Variants in ZNF609 observed in about 807,000 individuals in gnomAD.
The protein encoded by ZNF609 is zinc finger protein 609.
A neutral mutation model predicts 109.5 loss-of-function variants in ZNF609; 11 were observed. That is an observed-to-expected ratio of 0.10 (90% confidence interval 0.06 to 0.17). ZNF609 has a LOEUF of 0.17. Ranked by LOEUF, ZNF609 falls within the 10% of genes least tolerant of loss-of-function variation. The pLI is 1.00. For missense variants in ZNF609, 1,559 were observed against 1,772.4 expected (o/e 0.88, Z 2.16); for synonymous variants, 646 against 662.0 (o/e 0.98, Z 0.37).
At chr15:64,627,978 A>C (rs893825847) in intron 3 of ZNF609, among the ~76,000 whole-genome samples, 6 of 150,732 alleles carry the variant, frequency 4.0e-5, no homozygotes, top group African/African-American at 1.5e-4. Flanking sequence ...CTTAAGTTAT[A>C]AAAATCTATG....
chr15:64,563,866 G>C (rs1011096674), intron 2 of ZNF609, among the ~76,000 whole-genome samples: 1 of 152,086 alleles, frequency 6.6e-6, no homozygotes, highest in South Asian at 2.1e-4. Context: ...GATTACAGGC[G>C]TGAGTCGCCG....
intron 1 of ZNF609, among the ~76,000 whole-genome samples, chr15:64,464,964 G>A (rs1892991054): frequency 6.6e-6 from 1 of 152,200 alleles, no homozygotes; most frequent in African/African-American, 2.4e-5. Context: ...TTGTTGATTT[G>A]TTAGTAAGAT....
chr15:64,600,885 G>A (rs1895487270), intron 2 of ZNF609, among the ~76,000 whole-genome samples: 1 of 152,118 alleles, frequency 6.6e-6, no homozygotes, highest in South Asian at 2.1e-4. Context: ...TTGTTGTAGA[G>A]CGAAATTTAG....
intron 2 of ZNF609, among the ~76,000 whole-genome samples, chr15:64,561,357 T>A (rs1025835840): frequency 2.0e-5 from 3 of 152,120 alleles, no homozygotes; most frequent in Admixed American, 2.0e-4. Context: ...ATTACTTGAG[T>A]CTCCATTGCC....
intron 2 of ZNF609, chr15:64,529,652 C>A: frequency 1.3e-6 from 1 of 790,794 alleles, no homozygotes; most frequent in South Asian, 1.3e-5. Flanking sequence ...TCTGTTGACT[C>A]TGACCTTCAC....
intron 5 of ZNF609, among the ~76,000 whole-genome samples, chr15:64,676,492 G>A (rs1330172731): frequency 2.0e-5 from 3 of 152,068 alleles, no homozygotes; most frequent in African/African-American, 7.2e-5. Context: ...GTGCAGTGGT[G>A]CAATCTTGGC....
At chr15:64,618,742 G>A (rs563562473) in intron 2 of ZNF609, among the ~76,000 whole-genome samples, 4 of 152,190 alleles carry the variant, frequency 2.6e-5, no homozygotes, top group African/African-American at 9.6e-5. Context: ...CTTCCGCCAC[G>A]TGTGCTCTTC....
intron 2 of ZNF609, among the ~76,000 whole-genome samples, chr15:64,530,642 G>A (rs1894047215): frequency 6.6e-6 from 1 of 152,158 alleles, no homozygotes; most frequent in Admixed American, 6.6e-5. Context: ...GGGCAAGAAC[G>A]ATGTCTTATC....
In ZNF609 at chr15:64,535,238, T is replaced by C. The variant is rs570936198; in HGVS notation, c.747+35072T>C. On this transcript the variant is annotated intron_variant, in intron 2 of 9. Transcript: ENST00000326648. Reference sequence around the variant, plus strand: ...TAATTTTTAAAATTTTTTGTAGATATGAGGTCTTGCTATGTTGCCCGGGCT... The same window carrying C: ...TAATTTTTAAAATTTTTTGTAGATACGAGGTCTTGCTATGTTGCCCGGGCT... Among the ~76,000 whole-genome samples, 10 of 152,226 alleles carry C rather than the reference T, an allele frequency of 6.6e-5. No homozygotes were observed. The South Asian group carries it at 1.7e-3, about 25-fold the overall frequency.
chr15:64,539,848 G>T (rs925131185), intron 2 of ZNF609, among the ~76,000 whole-genome samples: 1 of 151,620 alleles, frequency 6.6e-6, no homozygotes, highest in Non-Finnish European at 1.5e-5. Context: ...TGTTGGCCAG[G>T]CTGGTCTCAA....
chr15:64,467,575 G>A (rs1479675256), intron 1 of ZNF609, among the ~76,000 whole-genome samples: 1 of 152,188 alleles, frequency 6.6e-6, no homozygotes, highest in Non-Finnish European at 1.5e-5. Context: ...AGCCCGGTGC[G>A]GTGGCTTACG....
At chr15:64,573,334 TGGC>T (rs1894890471) in intron 2 of ZNF609, among the ~76,000 whole-genome samples, 1 of 138,950 alleles carries the variant, frequency 7.2e-6, no homozygotes, top group Non-Finnish European at 1.6e-5. Context: ...GTAGAGTTAG[TGGC>T]CCAACTTTCT....
intron 2 of ZNF609, among the ~76,000 whole-genome samples, chr15:64,570,911 A>T (rs1316009798): frequency 6.6e-6 from 1 of 152,126 alleles, no homozygotes; most frequent in Non-Finnish European, 1.5e-5. Context: ...CTGTAGTCCC[A>T]GCTACTCGGG....
chr15:64,626,056 T>C (rs1895958031), intron 3 of ZNF609, among the ~76,000 whole-genome samples: 1 of 151,544 alleles, frequency 6.6e-6, no homozygotes, highest in Non-Finnish European at 1.5e-5. Context: ...GAATAAATAC[T>C]GCTTTCACCA....
At chr15:64,667,722 A>AT (rs398027660) in intron 3 of ZNF609, among the ~76,000 whole-genome samples, 1 of 151,962 alleles carries the variant, frequency 6.6e-6, no homozygotes, top group African/African-American at 2.4e-5. Flanking sequence ...CAAAAAAAAA[A>AT]GAAAAAGAAA....
At position 64,593,253 on chromosome 15, in the gene ZNF609, G is replaced by T. The variant is rs199554201; in HGVS notation, c.748-29574G>T. The T allele has an allele frequency of 1.4e-4, 210 of 1,517,506 alleles. 1 individual carries two copies. Among genetic ancestry groups the T allele is most frequent in the Middle Eastern group, 1.2e-3 (5 of 4,314 alleles). 94.0% of individuals were successfully genotyped at this position (1,517,506 alleles called of 1,614,324 possible). On this transcript the variant is annotated intron_variant, in intron 2 of 9. Coordinates refer to ENST00000326648, the MANE Select transcript of ZNF609 (RefSeq NM_015042.2). Reference sequence around the variant, plus strand: ...GTCAGGAATCGATCTCGTGAAGCCCGCAAGGACCGAACACCCCCACCCCGA... The same window carrying T: ...GTCAGGAATCGATCTCGTGAAGCCCTCAAGGACCGAACACCCCCACCCCGA...
In ZNF609 at chr15:64,675,507, C is replaced by G. The variant is rs758518055; in HGVS notation, c.2653C>G (p.Gln885Glu). The change falls in exon 5 of 10, where the codon CAG becomes GAG. Residue 885 changes from glutamine to glutamate, a missense_variant. Around this residue, in one of 4 missense-constraint regions of ZNF609, gnomAD observed 1,204 missense variants for 1,314.1 expected, o/e 0.92. Transcript: ENST00000326648. The stretch of plus-strand genomic sequence containing the variant: ...GAAAACTCTTTTTCCCCCTCAGCCT[C>G]AGAGCAAAGACTCACCATATTACCA... Reference protein sequence around the residue: ...AKKTLFPPQPQSKDSPYYQGF... With the variant: ...AKKTLFPPQPESKDSPYYQGF... The G allele has an allele frequency of 1.2e-6, 2 of 1,614,196 alleles. No individual in the cohort carries two copies. The highest frequency in any genetic ancestry group is 1.1e-5 in the South Asian group (1 of 91,080).
At chr15:64,615,665 A>G (rs894519738) in intron 2 of ZNF609, among the ~76,000 whole-genome samples, 1 of 151,576 alleles carries the variant, frequency 6.6e-6, no homozygotes, top group East Asian at 1.9e-4. Flanking sequence ...TTTTGTACTT[A>G]TAGTAGAGAC....
At chr15:64,615,116 CTGTTT>C (rs768182504) in intron 2 of ZNF609, among the ~76,000 whole-genome samples, 102 of 148,274 alleles carry the variant, frequency 6.9e-4, no homozygotes, top group Non-Finnish European at 1.2e-3. Flanking sequence ...CAGGCCTGGC[CTGTTT>C]TGTTTTGTTT....
Sources: allele counts gnomAD v4.1 joint callset (sites outside exome capture counted in the v4.1 genomes callset), GRCh38; gene constraint gnomAD v4.1.1; regional missense constraint gnomAD v4.1.1; transcripts MANE v1.5; gene names NCBI Gene and HGNC (gene_info 2026-07-23, HGNC 2026-07-21).